KCNH8: variants seen among roughly 807,000 people sequenced by gnomAD.
KCNH8 encodes the protein potassium voltage-gated channel subfamily H member 8.
A neutral mutation model predicts 103.6 loss-of-function variants in KCNH8; 70 were observed. The ratio of observed to expected loss-of-function variants is 0.68; its 90% CI spans 0.56 to 0.82. The LOEUF (loss-of-function observed/expected upper bound fraction) is 0.82, where lower values mean the gene tolerates loss of function less well. Ranked by LOEUF, KCNH8 falls within the 40% of genes least tolerant of loss-of-function variation. The probability of loss-of-function intolerance (pLI) is 0.00; values close to 1 mark genes in which losing one functional copy is unlikely to be tolerated. For synonymous variants in KCNH8, 498 were observed against 489.4 expected (o/e 1.02, Z -0.23); for missense variants, 1,217 against 1,329.9 (o/e 0.92, Z 1.32).
At chr3:19,288,264 AC>A (rs1317995771) in intron 3 of KCNH8, among the ~76,000 whole-genome samples, 1 of 134,284 alleles carries the variant, frequency 7.4e-6, no homozygotes, top group Non-Finnish European at 1.5e-5. Flanking sequence ...CTTTTGGGGT[AC>A]ATGTGCACAA....
At chr3:19,380,632 G>A (rs1336894786) in intron 5 of KCNH8, among the ~76,000 whole-genome samples, 1 of 152,150 alleles carries the variant, frequency 6.6e-6, no homozygotes, top group African/African-American at 2.4e-5. Context: ...AAGTAACTCT[G>A]GGGGAGAATT....
At chr3:19,387,431 T>C (rs1207105161) in intron 5 of KCNH8, among the ~76,000 whole-genome samples, 1 of 152,194 alleles carries the variant, frequency 6.6e-6, no homozygotes, top group Admixed American at 6.6e-5. Flanking sequence ...CCTGTGTCAT[T>C]GTTAAAATGC....
At chr3:19,361,378 C>G (rs1574967740) in intron 5 of KCNH8, among the ~76,000 whole-genome samples, 1 of 152,184 alleles carries the variant, frequency 6.6e-6, no homozygotes, top group African/African-American at 2.4e-5. Flanking sequence ...CCTGTCCAGG[C>G]CAGAACATCT....
chr3:19,438,075 C>T, intron 7 of KCNH8, 89 bp from the exon 8 acceptor site: 1 of 1,018,750 alleles, frequency 9.8e-7, no homozygotes, highest in Non-Finnish European at 1.5e-6. Flanking sequence ...ATTATTACCT[C>T]CCCAAATGTT....
intron 5 of KCNH8, among the ~76,000 whole-genome samples, chr3:19,358,377 C>T (rs549139806): frequency 2.6e-5 from 4 of 151,410 alleles, no homozygotes; most frequent in African/African-American, 9.7e-5. Context: ...AAAGGGTACA[C>T]AATGAAGATA....
At chr3:19,500,648 C>T (rs934550164) in intron 11 of KCNH8, among the ~76,000 whole-genome samples, 3 of 152,214 alleles carry the variant, frequency 2.0e-5, no homozygotes, top group Admixed American at 2.0e-4. Flanking sequence ...CGCTCAACTA[C>T]ATGGAACTGA....
At chr3:19,469,383 A>G (rs1404556716) in intron 11 of KCNH8, among the ~76,000 whole-genome samples, 1 of 152,180 alleles carries the variant, frequency 6.6e-6, no homozygotes, top group Non-Finnish European at 1.5e-5. Context: ...TCATTAAATA[A>G]TGGCCTGGGA....
intron 7 of KCNH8, among the ~76,000 whole-genome samples, chr3:19,432,522 A>T (rs2067138703): frequency 6.6e-6 from 1 of 152,186 alleles, no homozygotes; most frequent in African/African-American, 2.4e-5. Context: ...AATTATTTTT[A>T]TCCCAAATTG....
At chr3:19,271,067 A>G (rs2064580704) in intron 2 of KCNH8, among the ~76,000 whole-genome samples, 1 of 152,136 alleles carries the variant, frequency 6.6e-6, no homozygotes, top group Non-Finnish European at 1.5e-5. Flanking sequence ...TAGAACCATA[A>G]TATTTCCTTT....
At chr3:19,312,263 T>G (rs2065217621) in intron 3 of KCNH8, among the ~76,000 whole-genome samples, 1 of 151,956 alleles carries the variant, frequency 6.6e-6, no homozygotes. Context: ...ACTTTTATCT[T>G]TACCCCTTCT....
At chr3:19,254,792 A>G (rs1488041647) in intron 2 of KCNH8, among the ~76,000 whole-genome samples, 1 of 152,154 alleles carries the variant, frequency 6.6e-6, no homozygotes, top group African/African-American at 2.4e-5. Flanking sequence ...CAAACTAGAA[A>G]AAAATATTTC....
At chr3:19,454,544 T>C (rs1210431102) in intron 10 of KCNH8, among the ~76,000 whole-genome samples, 4 of 152,096 alleles carry the variant, frequency 2.6e-5, no homozygotes, top group African/African-American at 7.2e-5. Flanking sequence ...TAAATTTAGG[T>C]GGCTAGCAAC....
Position 19,518,027 on chromosome 3 carries a change from A to C in KCNH8, c.2572A>C (p.Ile858Leu). The C allele has an allele frequency of 1.2e-6, 2 of 1,612,362 alleles. No homozygotes were observed. Among genetic ancestry groups the C allele is most frequent in the Non-Finnish European group, 1.7e-6 (2 of 1,178,882 alleles). ...DPEIGAAVLF[I>L]KAEETKQQIN... is the part of the protein sequence containing the mutation. Reference sequence around the variant, plus strand: ...AGAGATTGGAGCTGCTGTTCTCTTCATCAAAGCAGAGGAGACCAAGCAGCA... The same window carrying C: ...AGAGATTGGAGCTGCTGTTCTCTTCCTCAAAGCAGAGGAGACCAAGCAGCA... Residue 858 changes from isoleucine to leucine, a missense_variant, in exon 15 of 16, where the codon ATC becomes CTC. Physicochemically the swap from Ile to Leu is conservative, Grantham distance 5. Transcript: ENST00000328405.
rs570268286 is a variant in KCNH8, at chr3:19,505,465, T to A, written c.2041-4898T>A. On this transcript the variant is annotated intron_variant, in intron 11 of 15. Coordinates refer to ENST00000328405, the MANE Select transcript of KCNH8 (RefSeq NM_144633.3). ...CCTGAACTTAAGATAAAGTTTTTTT[T>A]AAAAAAGAATGTTGATATAGGCCCA... Among the ~76,000 whole-genome samples the A allele has an allele frequency of 7.4e-4, 113 of 152,212 alleles. No homozygotes were observed. In the Middle Eastern group the frequency reaches 0.01, roughly 14 times the overall value.
chr3:19,204,466 C>T (rs1008875558), intron 1 of KCNH8, among the ~76,000 whole-genome samples: 4 of 151,692 alleles, frequency 2.6e-5, no homozygotes, highest in Admixed American at 6.6e-5. Context: ...GTTCTGAACG[C>T]GATTTAAAAA....
At chr3:19,355,304 C>T (rs2065865168) in intron 5 of KCNH8, among the ~76,000 whole-genome samples, 1 of 152,152 alleles carries the variant, frequency 6.6e-6, no homozygotes, top group Non-Finnish European at 1.5e-5. Flanking sequence ...ACTAGTTCAC[C>T]CATTGTGGAA....
chr3:19,255,264 C>T (rs1468128563), intron 2 of KCNH8, among the ~76,000 whole-genome samples: 1 of 152,134 alleles, frequency 6.6e-6, no homozygotes. Flanking sequence ...AAATAAATTT[C>T]TATCGTTTAA....
chr3:19,493,116 A>G (rs1342562129), intron 11 of KCNH8, among the ~76,000 whole-genome samples: 1 of 152,166 alleles, frequency 6.6e-6, no homozygotes, highest in Non-Finnish European at 1.5e-5. Flanking sequence ...CAGTTCTAGT[A>G]GCCTCTTGGC....
At chr3:19,224,598 T>C (rs2063909544) in intron 1 of KCNH8, among the ~76,000 whole-genome samples, 1 of 146,486 alleles carries the variant, frequency 6.8e-6, no homozygotes, top group Admixed American at 6.9e-5. Context: ...TGGAGTGCAG[T>C]GGCATGATCA....
Sources: gnomAD v4.1 joint callset for allele counts (sites outside exome capture counted in the v4.1 genomes callset) on GRCh38, gnomAD v4.1.1 for gene constraint, MANE v1.5 for transcripts, NCBI Gene and HGNC (gene_info 2026-07-23, HGNC 2026-07-21) for gene names.